The following ZHX2 variants were observed in gnomAD, a reference collection of about 807,000 sequenced individuals.
ZHX2 encodes zinc fingers and homeoboxes 2, also known as zinc fingers and homeoboxes protein 2.
Under a neutral mutation model 21.9 loss-of-function variants are expected in ZHX2, and 6 were observed. The ratio of observed to expected loss-of-function variants is 0.27; its 90% CI spans 0.15 to 0.54. The LOEUF (loss-of-function observed/expected upper bound fraction) is 0.54. ZHX2 is among the 20% of genes least tolerant of loss of function. The pLI is 0.95. For synonymous variants in ZHX2, 434 were observed against 437.1 expected, an observed-to-expected ratio of 0.99 and a Z score of 0.09; for missense variants, 908 against 1,090.7, an observed-to-expected ratio of 0.83 and a Z score of 2.36.
At chr8:122,787,937 TG>T (rs1430074807) in intron 1 of ZHX2, among the ~76,000 whole-genome samples, 1 of 152,110 alleles carries the variant, frequency 6.6e-6, no homozygotes, top group Non-Finnish European at 1.5e-5. Context: ...TTTAAACCAG[TG>T]TTGCAGAAAC....
intron 1 of ZHX2, among the ~76,000 whole-genome samples, chr8:122,798,225 T>A (rs1817650609): frequency 6.6e-6 from 1 of 152,150 alleles, no homozygotes; most frequent in Non-Finnish European, 1.5e-5. Flanking sequence ...ATCAGAAGTG[T>A]TAGGGATGCT....
chr8:122,853,677 C>T lies in ZHX2; in HGVS notation c.-282-9800C>T, dbSNP rs548846677. Among the ~76,000 whole-genome samples, 98 of 152,238 alleles carry T rather than the reference C, an allele frequency of 6.4e-4. No homozygotes were observed. The Middle Eastern group carries it at 0.017, about 26-fold the overall frequency. ...TTGGAATTCATACTCTCCCACCCTT[C>T]TCTGGCTGGCAATTTCCACCCATTC... On this transcript the variant is annotated intron_variant, in intron 1 of 3. Coordinates refer to ENST00000314393, the MANE Select transcript of ZHX2 (RefSeq NM_014943.5).
At chr8:122,832,390 G>C in intron 1 of ZHX2, among the ~76,000 whole-genome samples, 1 of 152,220 alleles carries the variant, frequency 6.6e-6, no homozygotes, top group East Asian at 1.9e-4. Flanking sequence ...GGCCGTCTGA[G>C]AACTGTGGCT....
rs1321602031 is a variant in ZHX2 at position 122,887,655 on chromosome 8, A to G, written c.-220+24116A>G. On this transcript the variant is annotated intron_variant, in intron 2 of 3. Transcript: ENST00000314393. Reference sequence around the variant, plus strand: ...TTGCAAAAGTGTGCTAAAAATTAGAAATAACCAAAGCAAAGAAAAGAAAAT... The same window carrying G: ...TTGCAAAAGTGTGCTAAAAATTAGAGATAACCAAAGCAAAGAAAAGAAAAT... 2.6e-5 allele frequency among the ~76,000 whole-genome samples: 4 copies of G among 152,352 alleles called. No individual in the cohort carries two copies. In the East Asian group the frequency reaches 7.7e-4, roughly 29 times the overall value.
At chr8:122,818,017 T>A (rs1030782943) in intron 1 of ZHX2, among the ~76,000 whole-genome samples, 3 of 152,196 alleles carry the variant, frequency 2.0e-5, no homozygotes, top group Admixed American at 1.3e-4. Flanking sequence ...TTGTTATCAT[T>A]CAACCTAAAG....
chr8:122,811,863 A>G (rs1314481043), intron 1 of ZHX2: 1 of 152,230 alleles, frequency 6.6e-6, no homozygotes, highest in African/African-American at 2.4e-5. Flanking sequence ...AGTGCTCTTC[A>G]TGCATTCATT....
At chr8:122,969,446 G>A (rs1461081441) in intron 3 of ZHX2, among the ~76,000 whole-genome samples, 1 of 151,984 alleles carries the variant, frequency 6.6e-6, no homozygotes, top group Non-Finnish European at 1.5e-5. Context: ...CTTTATGTTT[G>A]TTACTGGATT....
chr8:122,917,636 A>C (rs1457073528), intron 2 of ZHX2, among the ~76,000 whole-genome samples: 2 of 152,222 alleles, frequency 1.3e-5, no homozygotes, highest in African/African-American at 4.8e-5. Flanking sequence ...GGCCGCAGTC[A>C]GAACTGCATT....
chr8:122,914,510 C>T (rs916328638), intron 2 of ZHX2, among the ~76,000 whole-genome samples: 23 of 152,204 alleles, frequency 1.5e-4, no homozygotes, highest in Non-Finnish European at 2.5e-4. Context: ...TCTCATTACC[C>T]GGTGCTGCCA....
At chr8:122,928,689 T>G (rs1208673584) in intron 2 of ZHX2, among the ~76,000 whole-genome samples, 2 of 152,198 alleles carry the variant, frequency 1.3e-5, no homozygotes, top group Admixed American at 6.5e-5. Flanking sequence ...TGGAGCCATC[T>G]GGAATGTTAC....
intron 1 of ZHX2, among the ~76,000 whole-genome samples, chr8:122,832,852 C>G (rs114610498): frequency 9.9e-4 from 150 of 152,270 alleles, no homozygotes; most frequent in African/African-American, 3.5e-3. Flanking sequence ...AGACCTAATA[C>G]TCCCGTTCTG....
intron 2 of ZHX2, among the ~76,000 whole-genome samples, chr8:122,864,073 T>C (rs1204777003): frequency 6.6e-6 from 1 of 151,570 alleles, no homozygotes; most frequent in African/African-American, 2.4e-5. Context: ...ATAGGAAACT[T>C]GGGAAGTAGA....
chr8:122,833,036 T>A (rs1017771377), intron 1 of ZHX2, among the ~76,000 whole-genome samples: 2 of 152,116 alleles, frequency 1.3e-5, no homozygotes, highest in African/African-American at 4.8e-5. Flanking sequence ...CTTGAGGTAG[T>A]ACACACCAGG....
intron 2 of ZHX2, among the ~76,000 whole-genome samples, chr8:122,872,686 T>C (rs1563762738): frequency 6.6e-6 from 1 of 152,226 alleles, no homozygotes; most frequent in Non-Finnish European, 1.5e-5. Context: ...TTGATTATAT[T>C]AGTCAGACTT....
chr8:122,961,859 TA>T (rs1471375981), intron 3 of ZHX2, among the ~76,000 whole-genome samples: 2 of 152,196 alleles, frequency 1.3e-5, no homozygotes, highest in Non-Finnish European at 2.9e-5. Flanking sequence ...AGCAGGGTTC[TA>T]GCATTAGTAC....
rs189127242 is a variant in ZHX2, at chr8:122,892,311, G to A, written c.-220+28772G>A. Reference sequence around the variant, plus strand: ...AGTCCTCTATTTTCTGTCTATGTGCGTCTTTACAAAGTAAGTGAGTTTCTT... The same window carrying A: ...AGTCCTCTATTTTCTGTCTATGTGCATCTTTACAAAGTAAGTGAGTTTCTT... On this transcript the variant is annotated intron_variant, in intron 2 of 3. Coordinates refer to ENST00000314393, the MANE Select transcript of ZHX2 (RefSeq NM_014943.5). Among the ~76,000 whole-genome samples, 38 of 152,172 alleles carry A rather than the reference G, an allele frequency of 2.5e-4. No homozygotes were observed. The South Asian group carries it at 3.1e-3, about 12-fold the overall frequency.
chr8:122,837,293 C>T (rs1818524717), intron 1 of ZHX2, among the ~76,000 whole-genome samples: 1 of 152,208 alleles, frequency 6.6e-6, no homozygotes, highest in Non-Finnish European at 1.5e-5. Flanking sequence ...CAAGAACCCT[C>T]TCTTGGGATC....
In ZHX2 at chr8:122,794,335, T is replaced by A. The variant is rs570833368; in HGVS notation, c.-283+12389T>A. Among the ~76,000 whole-genome samples the A allele has an allele frequency of 5.3e-5, 8 of 152,104 alleles. No homozygotes were observed. The East Asian group carries it at 1.5e-3, about 29-fold the overall frequency. On this transcript the variant is annotated intron_variant, in intron 1 of 3. Coordinates refer to ENST00000314393, the MANE Select transcript of ZHX2 (RefSeq NM_014943.5). The stretch of plus-strand genomic sequence containing the variant: ...CTTATTGGAAGGAATACATGTTGTG[T>A]CATCTGTCACCAATCTCTCCCCTCC...
intron 2 of ZHX2, among the ~76,000 whole-genome samples, chr8:122,889,051 G>A (rs936307853): frequency 4.6e-5 from 7 of 152,130 alleles, no homozygotes; most frequent in African/African-American, 1.7e-4. Flanking sequence ...TTTCATCCAT[G>A]TTGCTACAAA....
Sources: gnomAD v4.1 joint callset for allele counts (sites outside exome capture counted in the v4.1 genomes callset) on GRCh38, gnomAD v4.1.1 for gene constraint, MANE v1.5 for transcripts, NCBI Gene and HGNC (gene_info 2026-07-23, HGNC 2026-07-21) for gene names.